Variants in KCNT2 observed in about 807,000 individuals in gnomAD.
KCNT2 encodes the protein potassium channel subfamily T member 2.
A neutral mutation model predicts 153.8 loss-of-function variants in KCNT2; 67 were observed. The ratio of observed to expected loss-of-function variants is 0.44; its 90% CI spans 0.36 to 0.53. The LOEUF is 0.53. Ranked by LOEUF, KCNT2 falls within the 20% of genes least tolerant of loss-of-function variation. The pLI is 0.00. For missense variants in KCNT2, 975 were observed against 1,354.8 expected (o/e 0.72, Z 4.40); for synonymous variants, 500 against 458.8 (o/e 1.09, Z -1.15).
In KCNT2 at chr1:196,337,684, G is replaced by A. The variant is rs1665169958; in HGVS notation, c.1783+2657C>T. Among the ~76,000 whole-genome samples the A allele has an allele frequency of 2.0e-5, 3 of 152,006 alleles. No homozygotes were observed. In the South Asian group the frequency reaches 6.2e-4, roughly 32 times the overall value. On this transcript the variant is annotated intron_variant, in intron 16 of 27. Transcript: ENST00000294725. ...TATCTCTTTCTCCAGACCTCCACAGGACTAATTCCTCATTTCTTTCAGGTA... is the reference window on the plus strand; with the variant it reads ...TATCTCTTTCTCCAGACCTCCACAGAACTAATTCCTCATTTCTTTCAGGTA...
intron 19 of KCNT2, among the ~76,000 whole-genome samples, chr1:196,324,715 T>C (rs1270456550): frequency 1.3e-5 from 2 of 152,070 alleles, no homozygotes; most frequent in East Asian, 3.9e-4. Context: ...AATTATTATC[T>C]GATAAAAGCC....
intron 12 of KCNT2, among the ~76,000 whole-genome samples, chr1:196,412,489 T>A (rs949783388): frequency 6.6e-6 from 1 of 151,706 alleles, no homozygotes; most frequent in Non-Finnish European, 1.5e-5. Context: ...TAAAATACTA[T>A]GTGCAATTCG....
At chr1:196,271,101 CA>C (rs1349701624) in intron 25 of KCNT2, among the ~76,000 whole-genome samples, 1 of 151,722 alleles carries the variant, frequency 6.6e-6, no homozygotes, top group Non-Finnish European at 1.5e-5. Context: ...ATCTGAGAAC[CA>C]ATGGATAAAT....
chr1:196,416,394 T>C (rs749589179), intron 12 of KCNT2, among the ~76,000 whole-genome samples: 4 of 151,988 alleles, frequency 2.6e-5, no homozygotes, highest in Admixed American at 6.6e-5. Context: ...TCCATGAAAT[T>C]GTGAAGAAGA....
At chr1:196,508,009 T>G (rs1681286658) in intron 1 of KCNT2, among the ~76,000 whole-genome samples, 1 of 151,596 alleles carries the variant, frequency 6.6e-6, no homozygotes, top group Admixed American at 6.6e-5. Flanking sequence ...GTGCAGTAAT[T>G]AAGGCATTAT....
chr1:196,487,120 C>A (rs1160920089), intron 3 of KCNT2, among the ~76,000 whole-genome samples: 2 of 151,912 alleles, frequency 1.3e-5, no homozygotes, highest in African/African-American at 2.4e-5. Context: ...CATTCTCCCC[C>A]TTCCACGGCA....
chr1:196,418,629 T>C (rs1672943147), intron 12 of KCNT2, among the ~76,000 whole-genome samples: 1 of 152,078 alleles, frequency 6.6e-6, no homozygotes, highest in South Asian at 2.1e-4. Flanking sequence ...CTGGTTACTT[T>C]ATATGCACAC....
chr1:196,273,410 G>A (rs1191285283), intron 25 of KCNT2: 2 of 1,111,074 alleles, frequency 1.8e-6, no homozygotes, highest in South Asian at 1.4e-5. Flanking sequence ...TTCTTTAATA[G>A]CTCTGAATTA....
chr1:196,481,093 C>G (rs981420625), intron 4 of KCNT2, among the ~76,000 whole-genome samples: 1 of 151,990 alleles, frequency 6.6e-6, no homozygotes, highest in South Asian at 2.1e-4. Context: ...GATATTGCAA[C>G]AAAAGTCAGA....
chr1:196,323,046 A>T (rs12082579), intron 19 of KCNT2, among the ~76,000 whole-genome samples: 5,966 of 152,040 alleles, frequency 0.039, 164 homozygotes, highest in South Asian at 0.083. Context: ...GCTTTTTAAG[A>T]TAAATGTTTT....
At chr1:196,303,140 T>C (rs1387757486) in intron 22 of KCNT2, among the ~76,000 whole-genome samples, 1 of 152,146 alleles carries the variant, frequency 6.6e-6, no homozygotes, top group African/African-American at 2.4e-5. Context: ...CCTTTCTCTG[T>C]CCCTGAGATG....
chr1:196,452,451 C>T (rs1676300455), intron 8 of KCNT2, among the ~76,000 whole-genome samples: 2 of 151,968 alleles, frequency 1.3e-5, no homozygotes, highest in Non-Finnish European at 2.9e-5. Flanking sequence ...ACTAACTCTC[C>T]TATATGGTCT....
At chr1:196,352,161 A>G (rs1666767676) in intron 14 of KCNT2, among the ~76,000 whole-genome samples, 1 of 151,864 alleles carries the variant, frequency 6.6e-6, no homozygotes, top group Admixed American at 6.6e-5. Flanking sequence ...TTGGTCTAAA[A>G]TTCTCTTTTT....
chr1:196,442,954 C>T (rs553074940), intron 8 of KCNT2, among the ~76,000 whole-genome samples: 4 of 151,524 alleles, frequency 2.6e-5, no homozygotes, highest in East Asian at 3.9e-4. Flanking sequence ...GTAAGCCACA[C>T]ATACATATAT....
At chr1:196,340,232 G>T (rs1057486899) in intron 16 of KCNT2, 109 bp downstream of exon 16, 2 of 695,528 alleles carry the variant, frequency 2.9e-6, no homozygotes, top group Non-Finnish European at 4.6e-6. Context: ...AATGCAGCAT[G>T]TTTGAAATTT....
At position 196,226,755 on chromosome 1, in the gene KCNT2, G is replaced by T. The variant is rs1653519349; in HGVS notation, c.*1469C>A. ...ATTTTATTATCCTTTAAGTTGATCTGCTTCATTATGAAAAGAAAGGAAAAA... is the reference window on the plus strand; with the variant it reads ...ATTTTATTATCCTTTAAGTTGATCTTCTTCATTATGAAAAGAAAGGAAAAA... On this transcript the variant is annotated 3_prime_UTR_variant, in exon 28 of 28. Transcript: ENST00000294725. 1 of 151,594 alleles carries T rather than the reference G, an allele frequency of 6.6e-6. No homozygotes were observed. 9.4% of individuals were successfully genotyped at this position (151,594 alleles called of 1,614,324 possible). A position where few individuals can be genotyped will look rare whatever the true frequency, so the allele number is the denominator to read the frequency against.
chr1:196,236,292 G>T (rs562532201), intron 26 of KCNT2, among the ~76,000 whole-genome samples: 7 of 151,354 alleles, frequency 4.6e-5, no homozygotes, highest in African/African-American at 1.7e-4. Context: ...TAACAATAAA[G>T]TATCTAATTC....
chr1:196,418,732 T>C (rs373876790), intron 12 of KCNT2, among the ~76,000 whole-genome samples: 18 of 152,264 alleles, frequency 1.2e-4, no homozygotes, highest in African/African-American at 4.3e-4. Context: ...AATGGCTTCA[T>C]TTTAACTTAA....
chr1:196,482,418 T>C (rs374179635), intron 3 of KCNT2, 39 bp from the exon 4 acceptor site: 202 of 1,133,748 alleles, frequency 1.8e-4, no homozygotes, highest in Non-Finnish European at 2.4e-4. Flanking sequence ...TTTTAAAATA[T>C]GAAAAATCTA....
Sources: allele counts gnomAD v4.1 joint callset (sites outside exome capture counted in the v4.1 genomes callset), GRCh38; gene constraint gnomAD v4.1.1; transcripts MANE v1.5; gene names NCBI Gene and HGNC (gene_info 2026-07-23, HGNC 2026-07-21).